Variants in LPP observed in about 807,000 individuals in gnomAD.
The protein encoded by LPP is lipoma-preferred partner.
In LPP, 38 loss-of-function variants were observed where a neutral mutation model predicts 60.4. That is an observed-to-expected ratio of 0.63 (90% CI 0.49 to 0.83). The LOEUF (loss-of-function observed/expected upper bound fraction) is 0.83, where lower values mean the gene tolerates loss of function less well. Ranked by LOEUF, LPP falls within the 40% of genes least tolerant of loss-of-function variation. The pLI is 0.00. For missense variants in LPP, 902 were observed against 783.6 expected (o/e 1.15, Z -1.80); for synonymous variants, 328 against 290.8 (o/e 1.13, Z -1.30).
At chr3:188,775,055 GTTT>G (rs58627957) in intron 9 of LPP, among the ~76,000 whole-genome samples, 1 of 136,678 alleles carries the variant, frequency 7.3e-6, no homozygotes, top group African/African-American at 2.7e-5. Flanking sequence ...CATGCTTAGT[GTTT>G]TTTTTTTTTT....
chr3:188,441,157 C>T (rs1352949357), intron 4 of LPP, among the ~76,000 whole-genome samples: 1 of 151,948 alleles, frequency 6.6e-6, no homozygotes, highest in Non-Finnish European at 1.5e-5. Flanking sequence ...CATATCAACC[C>T]TTTGTGGTTG....
At chr3:188,701,575 C>G (rs942771889) in intron 7 of LPP, among the ~76,000 whole-genome samples, 3 of 152,220 alleles carry the variant, frequency 2.0e-5, no homozygotes, top group Non-Finnish European at 4.4e-5. Context: ...CTGTGCCTCA[C>G]AAGGCCACAT....
chr3:188,609,567 C>G lies in LPP; in HGVS notation c.836C>G (p.Pro279Arg). 1.2e-6 allele frequency: 2 copies of G among 1,614,178 alleles called. No individual in the cohort carries two copies. Among genetic ancestry groups the G allele is most frequent in the Middle Eastern group, 1.7e-4 (1 of 6,060 alleles). ...ATGGATTATGCCTACATTCCACCAC[C>G]AGGACTTCAGCCGGAGCCTGGGTAT... ...GGMDYAYIPP[P>R]GLQPEPGYGY... is the part of the protein sequence containing the mutation. Residue 279 changes from proline (P) to arginine (R), a missense_variant, in exon 7 of 12, where the codon CCA becomes CGA. Transcript: ENST00000617246. The surrounding 1 kb of genome is among the most constrained non-coding windows in gnomAD (Gnocchi z 6.9).
chr3:188,770,349 T>C (rs1240503240), intron 9 of LPP, among the ~76,000 whole-genome samples: 3 of 145,002 alleles, frequency 2.1e-5, no homozygotes, highest in South Asian at 4.4e-4. Context: ...CAGCTATTTT[T>C]TTTTTTTTTT....
intron 1 of LPP, among the ~76,000 whole-genome samples, chr3:188,173,836 A>G (rs888707818): frequency 1.3e-5 from 2 of 152,226 alleles, no homozygotes; most frequent in African/African-American, 2.4e-5. Flanking sequence ...AGGATCTTCA[A>G]GATACCTTGA....
chr3:188,264,790 G>C (rs538101564), intron 2 of LPP, among the ~76,000 whole-genome samples: 26 of 151,630 alleles, frequency 1.7e-4, no homozygotes, highest in African/African-American at 3.1e-4. Flanking sequence ...CTCTCTCTCT[G>C]TGTGTGTCTC....
intron 9 of LPP, among the ~76,000 whole-genome samples, chr3:188,774,192 G>A (rs757085785): frequency 1.1e-4 from 17 of 151,386 alleles, no homozygotes; most frequent in Middle Eastern, 6.8e-3. Flanking sequence ...TCTTTTTAAT[G>A]TCGGCAAGTC....
intron 8 of LPP, among the ~76,000 whole-genome samples, chr3:188,719,768 C>G (rs1373072480): frequency 1.3e-5 from 2 of 152,206 alleles, no homozygotes; most frequent in Non-Finnish European, 2.9e-5. Flanking sequence ...CTTTCCCCAC[C>G]ACTTTCTCTA....
intron 9 of LPP, among the ~76,000 whole-genome samples, chr3:188,863,110 A>G (rs1765675701): frequency 6.6e-6 from 1 of 152,200 alleles, no homozygotes; most frequent in Admixed American, 6.5e-5. Context: ...CAAACCTCTG[A>G]TAAGGGGTTA....
chr3:188,656,947 C>T (rs1283212068), intron 7 of LPP, among the ~76,000 whole-genome samples: 3 of 152,050 alleles, frequency 2.0e-5, no homozygotes, highest in East Asian at 1.9e-4. Flanking sequence ...GTTCTTCCTA[C>T]TACATGATAC....
intron 9 of LPP, among the ~76,000 whole-genome samples, chr3:188,847,589 G>A (rs1389448270): frequency 6.6e-6 from 1 of 152,160 alleles, no homozygotes; most frequent in South Asian, 2.1e-4. Context: ...AGAAAGTATT[G>A]TGCTAAAATA....
intron 8 of LPP, among the ~76,000 whole-genome samples, chr3:188,719,292 G>A (rs996919963): frequency 6.6e-6 from 1 of 152,122 alleles, no homozygotes; most frequent in Admixed American, 6.5e-5. Context: ...GATGGATAGG[G>A]CATCACATTG....
At position 188,592,553 on chromosome 3, in the gene LPP, T is replaced by TTTTTTTGTTTG. The variant is rs1553936328; in HGVS notation, c.430-16605_430-16604insTTTGTTTGTTT. On this transcript the variant is annotated intron_variant, in intron 6 of 11. Coordinates refer to ENST00000617246, the MANE Select transcript of LPP (RefSeq NM_001375462.1). The stretch of plus-strand genomic sequence containing the variant: ...TGAGTATCACTGTTTTTAGTTTTGT[T>TTTTTTTGTTTG]TTTGTTTTTTAAATGGAGTCTCACT... Among the ~76,000 whole-genome samples, 349 of 121,330 alleles carry TTTTTTTGTTTG rather than the reference T, an allele frequency of 2.9e-3. 4 individuals are homozygous for TTTTTTTGTTTG. Among genetic ancestry groups the TTTTTTTGTTTG allele is most frequent in the South Asian group, 0.017 (52 of 3,040 alleles). 79.6% of individuals were successfully genotyped at this position (121,330 alleles called of 152,430 possible).
chr3:188,358,248 C>G (rs1768191185), intron 3 of LPP, among the ~76,000 whole-genome samples: 1 of 152,096 alleles, frequency 6.6e-6, no homozygotes, highest in Non-Finnish European at 1.5e-5. Flanking sequence ...TAGCTAAAGC[C>G]AGGATATGAA....
intron 4 of LPP, among the ~76,000 whole-genome samples, chr3:188,408,153 CT>C (rs1784107441): frequency 6.6e-6 from 1 of 152,068 alleles, no homozygotes; most frequent in Admixed American, 6.6e-5. Flanking sequence ...TGTCTCCTAA[CT>C]TTTGGGGAAA....
rs1038073876 is a variant in LPP, at chr3:188,760,046, T to A, written c.1241-67T>A. ...CTGACGTTATGAACCTGCTTTCTCC[T>A]CCACTTTGGCTTTAGCAGGACTGAA... is the stretch of plus-strand genomic sequence containing the variant. On this transcript the variant is annotated intron_variant, in intron 8 of 11. Coordinates refer to ENST00000617246, the MANE Select transcript of LPP (RefSeq NM_001375462.1). 3 of 1,439,386 alleles carry A rather than the reference T, an allele frequency of 2.1e-6. No homozygotes were observed. In the East Asian group the frequency reaches 6.9e-5, roughly 33 times the overall value. The allele number at this position is 1,439,386 out of a possible 1,614,324, so 89.2% of individuals were successfully genotyped here. A position where few individuals can be genotyped will look rare whatever the true frequency, so the allele number is the denominator to read the frequency against.
chr3:188,845,019 G>C (rs1015552934), intron 9 of LPP, among the ~76,000 whole-genome samples: 1 of 152,138 alleles, frequency 6.6e-6, no homozygotes, highest in African/African-American at 2.4e-5. Context: ...TTACTGAGGC[G>C]CAGAGCTTTA....
intron 1 of LPP, among the ~76,000 whole-genome samples, chr3:188,166,131 G>A (rs1166578332): frequency 6.6e-6 from 1 of 152,024 alleles, no homozygotes; most frequent in Non-Finnish European, 1.5e-5. Flanking sequence ...ACTCCTCTGC[G>A]AGGTCTTTAA....
intron 6 of LPP, among the ~76,000 whole-genome samples, chr3:188,577,549 A>G (rs1834906903): frequency 6.6e-6 from 1 of 151,180 alleles, no homozygotes; most frequent in Admixed American, 6.6e-5. Context: ...TAATTAATAT[A>G]TTTATAAATG....
Sources: gnomAD v4.1 joint callset for allele counts (sites outside exome capture counted in the v4.1 genomes callset) on GRCh38, gnomAD v4.1.1 for gene constraint, Gnocchi (gnomAD v3.1) non-coding constraint, MANE v1.5 for transcripts, NCBI Gene and HGNC (gene_info 2026-07-23, HGNC 2026-07-21) for gene names.